SUCLG2: variants seen among roughly 807,000 people sequenced by gnomAD.
SUCLG2 encodes the protein succinate-CoA ligase GDP-forming subunit beta.
In SUCLG2, 42 loss-of-function variants were observed where a neutral mutation model predicts 47.9. That is an observed-to-expected ratio of 0.88 (90% CI 0.69 to 1.14). The LOEUF is 1.14. SUCLG2 is among the 50% of genes most tolerant of loss of function. The pLI is 0.00. For synonymous variants in SUCLG2, 195 were observed against 197.3 expected (o/e 0.99, Z 0.10); for missense variants, 571 against 525.9 (o/e 1.09, Z -0.84).
At chr3:67,513,472 G>C (rs1293591567) in intron 6 of SUCLG2, among the ~76,000 whole-genome samples, 1 of 152,162 alleles carries the variant, frequency 6.6e-6, no homozygotes, top group Non-Finnish European at 1.5e-5. Flanking sequence ...AACCAAGCTG[G>C]TTCTCCCTTG....
intron 9 of SUCLG2, among the ~76,000 whole-genome samples, chr3:67,425,932 G>C (rs2106871439): frequency 6.6e-6 from 1 of 152,220 alleles, no homozygotes; most frequent in African/African-American, 2.4e-5. Flanking sequence ...ATTACTATAA[G>C]CTCAAAAGGA....
At chr3:67,362,612 T>A (rs1244668984) in intron 10 of SUCLG2, among the ~76,000 whole-genome samples, 1 of 152,184 alleles carries the variant, frequency 6.6e-6, no homozygotes. Flanking sequence ...CGCCACTGTA[T>A]CCTAACGCAG....
chr3:67,615,843 T>C (rs1222687785), intron 1 of SUCLG2, among the ~76,000 whole-genome samples: 1 of 152,028 alleles, frequency 6.6e-6, no homozygotes, highest in Non-Finnish European at 1.5e-5. Flanking sequence ...GTACCAGAGA[T>C]ACATGCAAGG....
chr3:67,511,871 AAG>A (rs1241829619), intron 6 of SUCLG2, among the ~76,000 whole-genome samples: 4 of 150,388 alleles, frequency 2.7e-5, no homozygotes, highest in African/African-American at 1.0e-4. Context: ...GTGTGTGTAC[AAG>A]AGAGTGTTGC....
intron 2 of SUCLG2, among the ~76,000 whole-genome samples, chr3:67,547,249 A>G (rs956115561): frequency 3.3e-5 from 5 of 152,136 alleles, no homozygotes; most frequent in Non-Finnish European, 7.4e-5. Flanking sequence ...CGCCTCAGAC[A>G]CTGCATCAGC....
chr3:67,576,754 A>C (rs1344414867), intron 2 of SUCLG2, among the ~76,000 whole-genome samples: 1 of 152,198 alleles, frequency 6.6e-6, no homozygotes. Flanking sequence ...AACTAAATAA[A>C]AATATCTCAA....
At chr3:67,442,234 T>A (rs936892502) in intron 9 of SUCLG2, among the ~76,000 whole-genome samples, 5 of 152,120 alleles carry the variant, frequency 3.3e-5, no homozygotes, top group African/African-American at 1.2e-4. Flanking sequence ...ATGGTCTCGA[T>A]CTCCTGACCT....
chr3:67,394,431 GATGAA>G (rs201731823), intron 10 of SUCLG2, among the ~76,000 whole-genome samples: 44,025 of 146,490 alleles, frequency 0.3, 7,788 homozygotes, highest in Middle Eastern at 0.5. Flanking sequence ...AGTGATGGAA[GATGAA>G]ATGAATGAAA....
rs61304436 is a variant in SUCLG2 at position 67,575,789 on chromosome 3, T to C, written c.226+33666A>G. On this transcript the variant is annotated intron_variant, in intron 2 of 10. Transcript: ENST00000307227. Reference sequence around the variant, plus strand: ...GAAGCATGTGTTCTTGGGAAATTATTACAATTATGCTATTGCTACTGAACC... The same window carrying C: ...GAAGCATGTGTTCTTGGGAAATTATCACAATTATGCTATTGCTACTGAACC... 4.0e-3 allele frequency among the ~76,000 whole-genome samples: 610 copies of C among 152,292 alleles called. 5 individuals carry two copies. Among genetic ancestry groups the C allele is most frequent in the African/African-American group, 0.014 (575 of 41,556 alleles).
intron 2 of SUCLG2, among the ~76,000 whole-genome samples, chr3:67,597,584 C>A (rs1217616963): frequency 3.9e-5 from 6 of 152,104 alleles, no homozygotes; most frequent in African/African-American, 1.4e-4. Flanking sequence ...TCTGGAAGGC[C>A]CTTTCTTCTC....
intron 2 of SUCLG2, among the ~76,000 whole-genome samples, chr3:67,563,039 G>T (rs1707350283): frequency 1.3e-5 from 2 of 150,110 alleles, no homozygotes; most frequent in Admixed American, 6.6e-5. Context: ...ATTATAATGT[G>T]TACGATTTAC....
chr3:67,389,902 C>G (rs138324693), intron 10 of SUCLG2, among the ~76,000 whole-genome samples: 413 of 152,312 alleles, frequency 2.7e-3, no homozygotes, highest in African/African-American at 9.3e-3. Flanking sequence ...CAGACTCCCA[C>G]AACACACACC....
intron 7 of SUCLG2, among the ~76,000 whole-genome samples, chr3:67,502,187 A>G (rs1221947083): frequency 1.3e-5 from 2 of 152,192 alleles, no homozygotes; most frequent in African/African-American, 4.8e-5. Flanking sequence ...ATACCTAGCT[A>G]GTGTCAGAGA....
intron 1 of SUCLG2, among the ~76,000 whole-genome samples, chr3:67,628,693 A>G (rs1308147430): frequency 6.6e-6 from 1 of 152,160 alleles, no homozygotes; most frequent in African/African-American, 2.4e-5. Context: ...TTCCCTGCAC[A>G]TGCTGTCTTG....
At chr3:67,614,773 T>C (rs552370034) in intron 1 of SUCLG2, among the ~76,000 whole-genome samples, 18 of 152,162 alleles carry the variant, frequency 1.2e-4, no homozygotes, top group Non-Finnish European at 2.4e-4. Flanking sequence ...ATCACCTCAG[T>C]TTACAGTCAG....
chr3:67,570,964 A>C (rs1707592162), intron 2 of SUCLG2, among the ~76,000 whole-genome samples: 1 of 152,174 alleles, frequency 6.6e-6, no homozygotes, highest in Non-Finnish European at 1.5e-5. Flanking sequence ...TGAAAAGTAA[A>C]GACAGTCTTG....
At chr3:67,373,511 T>C (rs1284388339), downstream of SUCLG2, among the ~76,000 whole-genome samples, 2 of 152,098 alleles carry the variant, frequency 1.3e-5, no homozygotes, top group Non-Finnish European at 2.9e-5. Flanking sequence ...CCATATCAGG[T>C]AGTTAATATG....
chr3:67,493,512 T>C (rs1216074055), intron 9 of SUCLG2, among the ~76,000 whole-genome samples: 2 of 152,200 alleles, frequency 1.3e-5, no homozygotes, highest in Non-Finnish European at 2.9e-5. Context: ...CAGTAATTTT[T>C]CCACTATCCC....
intron 1 of SUCLG2, among the ~76,000 whole-genome samples, chr3:67,630,445 A>G (rs1700905509): frequency 6.9e-6 from 1 of 145,924 alleles, no homozygotes; most frequent in Admixed American, 6.8e-5. Flanking sequence ...CATTAACGCT[A>G]TAAGCATTTA....
Sources: gnomAD v4.1 joint callset for allele counts (sites outside exome capture counted in the v4.1 genomes callset) on GRCh38, gnomAD v4.1.1 for gene constraint, MANE v1.5 for transcripts, NCBI Gene and HGNC (gene_info 2026-07-23, HGNC 2026-07-21) for gene names.